The following BABAM2 variants were observed in gnomAD, a reference collection of about 807,000 sequenced individuals.
BABAM2 encodes BRISC and BRCA1-A complex member 2.
BABAM2 carries 31 observed loss-of-function variants against 54.7 expected under a neutral mutation model. The ratio of observed to expected loss-of-function variants is 0.57; its 90% CI spans 0.43 to 0.77. The LOEUF is 0.77. BABAM2 is among the 30% of genes least tolerant of loss of function. The pLI is 0.00. For synonymous variants in BABAM2, 167 were observed against 162.9 expected (o/e 1.03, Z -0.19); for missense variants, 364 against 455.8 (o/e 0.80, Z 1.83).
At chr2:28,196,266 G>A (rs541778748) in intron 7 of BABAM2, among the ~76,000 whole-genome samples, 1 of 148,120 alleles carries the variant, frequency 6.8e-6, no homozygotes, top group Admixed American at 7.0e-5. Context: ...GGCGGAGCTT[G>A]CAGTGAGCTG....
chr2:28,155,149 TAAAG>T (rs979108224), intron 7 of BABAM2, among the ~76,000 whole-genome samples: 6 of 152,210 alleles, frequency 3.9e-5, no homozygotes, highest in African/African-American at 1.4e-4. Context: ...AATTAAAAGA[TAAAG>T]AAAAAAGTAC....
At chr2:28,027,871 G>T (rs1286757296) in intron 5 of BABAM2, among the ~76,000 whole-genome samples, 1 of 151,760 alleles carries the variant, frequency 6.6e-6, no homozygotes, top group African/African-American at 2.4e-5. Flanking sequence ...TTTTTACTTT[G>T]CTCCACATGG....
chr2:27,990,598 G>A (rs933331516), intron 4 of BABAM2, among the ~76,000 whole-genome samples: 2 of 152,160 alleles, frequency 1.3e-5, no homozygotes, highest in Non-Finnish European at 2.9e-5. Context: ...GAACCTGGGA[G>A]TGTAGTCTGA....
upstream of BABAM2, among the ~76,000 whole-genome samples, chr2:27,889,006 G>T (rs1664629751): frequency 6.6e-6 from 1 of 152,146 alleles, no homozygotes; most frequent in Admixed American, 6.5e-5. Flanking sequence ...AATATTTGTG[G>T]AAAAATAAAG....
chr2:27,956,025 A>G (rs1311575144), intron 3 of BABAM2, among the ~76,000 whole-genome samples: 1 of 151,578 alleles, frequency 6.6e-6, no homozygotes, highest in Non-Finnish European at 1.5e-5. Context: ...ACCCCAGTTC[A>G]CCTAAGAGAG....
chr2:28,153,133 C>A (rs79218046), intron 7 of BABAM2, among the ~76,000 whole-genome samples: 14,612 of 152,168 alleles, frequency 0.096, 782 homozygotes, highest in African/African-American at 0.14. Context: ...TTTTCTCCCC[C>A]ATGACTTTAG....
chr2:27,988,200 C>T, intron 4 of BABAM2, 113 bp downstream of exon 4: 1 of 945,764 alleles, frequency 1.1e-6, no homozygotes, highest in South Asian at 1.4e-5. Context: ...TTTTTTCCCA[C>T]CCCTCTTTTC....
intron 5 of BABAM2, among the ~76,000 whole-genome samples, chr2:28,044,302 T>A (rs1210891524): frequency 6.6e-6 from 1 of 152,218 alleles, no homozygotes; most frequent in East Asian, 1.9e-4. Flanking sequence ...CAATATTGGC[T>A]CACTGCAAAC....
chr2:28,257,163 C>T (rs982187830), intron 10 of BABAM2, among the ~76,000 whole-genome samples: 2 of 152,138 alleles, frequency 1.3e-5, no homozygotes, highest in Non-Finnish European at 2.9e-5. Flanking sequence ...ACAGATTCAG[C>T]TTTCATGAGT....
chr2:28,254,170 C>A (rs866234926), intron 10 of BABAM2, among the ~76,000 whole-genome samples: 1 of 152,192 alleles, frequency 6.6e-6, no homozygotes, highest in Non-Finnish European at 1.5e-5. Flanking sequence ...CTGTGGCAAA[C>A]TGCACACTCC....
At chr2:27,909,426 A>G (rs973920719) in intron 2 of BABAM2, among the ~76,000 whole-genome samples, 3 of 151,814 alleles carry the variant, frequency 2.0e-5, no homozygotes, top group Non-Finnish European at 2.9e-5. Flanking sequence ...TTTGGTATTC[A>G]TTGTATGATT....
At chr2:28,198,704 T>C (rs1677911251) in intron 7 of BABAM2, among the ~76,000 whole-genome samples, 1 of 152,150 alleles carries the variant, frequency 6.6e-6, no homozygotes, top group Admixed American at 6.5e-5. Flanking sequence ...GATCGTATAG[T>C]TGGCCAAAAC....
At chr2:27,899,553 A>C (rs1484982898) in intron 2 of BABAM2, among the ~76,000 whole-genome samples, 1 of 151,342 alleles carries the variant, frequency 6.6e-6, no homozygotes, top group Non-Finnish European at 1.5e-5. Context: ...TGGCTCCTCA[A>C]CCTCTGCCTT....
At chr2:28,160,399 T>G (rs1672954371) in intron 7 of BABAM2, among the ~76,000 whole-genome samples, 1 of 152,178 alleles carries the variant, frequency 6.6e-6, no homozygotes, top group Non-Finnish European at 1.5e-5. Flanking sequence ...TGTATTAATT[T>G]ATCTTATCAT....
At chr2:28,210,062 T>C (rs2147983793) in intron 7 of BABAM2, among the ~76,000 whole-genome samples, 1 of 152,244 alleles carries the variant, frequency 6.6e-6, no homozygotes, top group East Asian at 1.9e-4. Context: ...CTTCCTTCCT[T>C]GAATGTAGAA....
intron 6 of BABAM2, among the ~76,000 whole-genome samples, chr2:28,070,026 C>T (rs1185158648): frequency 1.3e-5 from 2 of 152,138 alleles, no homozygotes; most frequent in South Asian, 2.1e-4. Context: ...CAGGCACATG[C>T]CACCATGCTA....
At chr2:27,951,468 G>A (rs1411187876) in intron 3 of BABAM2, among the ~76,000 whole-genome samples, 1 of 151,986 alleles carries the variant, frequency 6.6e-6, no homozygotes, top group East Asian at 1.9e-4. Flanking sequence ...AGTTTATTGT[G>A]GTCAGAGAAC....
intron 7 of BABAM2, among the ~76,000 whole-genome samples, chr2:28,197,948 G>C (rs1677790602): frequency 1.3e-5 from 2 of 152,252 alleles, no homozygotes; most frequent in South Asian, 2.1e-4. Context: ...TTAGGTGTAG[G>C]AGACAGGAGC....
intron 2 of BABAM2, among the ~76,000 whole-genome samples, chr2:27,905,865 CATG>C (rs1189198459): frequency 6.6e-6 from 1 of 152,202 alleles, no homozygotes; most frequent in Non-Finnish European, 1.5e-5. Context: ...GAAAAATCAC[CATG>C]GCTTCCTCTG....
Sources: gnomAD v4.1 joint callset for allele counts (sites outside exome capture counted in the v4.1 genomes callset) on GRCh38, gnomAD v4.1.1 for gene constraint, MANE v1.5 for transcripts, NCBI Gene and HGNC (gene_info 2026-07-23, HGNC 2026-07-21) for gene names.